The following CREM variants were observed in gnomAD, a reference collection of about 807,000 sequenced individuals.
CREM encodes the protein cAMP-responsive element modulator.
Under a neutral mutation model 37.3 loss-of-function variants are expected in CREM, and 13 were observed. The ratio of observed to expected loss-of-function variants is 0.35; its 90% CI spans 0.23 to 0.55. CREM has a LOEUF of 0.55. Among genes scored for constraint, CREM ranks in the 20% least tolerant of loss-of-function variants. CREM has a pLI of 0.88. For synonymous variants in CREM, 124 were observed against 120.2 expected (o/e 1.03, Z -0.21); for missense variants, 296 against 362.3 (o/e 0.82, Z 1.49).
At chr10:35,176,438 C>T (rs1409731537) in intron 3 of CREM, among the ~76,000 whole-genome samples, 2 of 142,382 alleles carry the variant, frequency 1.4e-5, no homozygotes, top group African/African-American at 5.2e-5. Context: ...GACAGAGTCT[C>T]GCTTTGTCGC....
At chr10:35,157,335 A>C (rs2092976633) in intron 3 of CREM, among the ~76,000 whole-genome samples, 1 of 152,182 alleles carries the variant, frequency 6.6e-6, no homozygotes, top group Admixed American at 6.5e-5. Context: ...ATCTGGAATA[A>C]GATAAGGATA....
At chr10:35,178,663 C>T (rs1483888515) in intron 3 of CREM, among the ~76,000 whole-genome samples, 3 of 152,344 alleles carry the variant, frequency 2.0e-5, no homozygotes, top group East Asian at 1.9e-4. Flanking sequence ...ATAGAGTACC[C>T]GTAACATTCC....
chr10:35,187,083 T>A lies in CREM; in HGVS notation c.410-1117T>A, dbSNP rs1474429004. Among the ~76,000 whole-genome samples the A allele has an allele frequency of 6.5e-4, 31 of 47,926 alleles. 1 individual carries two copies. In the South Asian group the frequency reaches 0.014, roughly 21 times the overall value. 31.4% of individuals were successfully genotyped at this position (47,926 alleles called of 152,430 possible). A position where few individuals can be genotyped will look rare whatever the true frequency, so the allele number is the denominator to read the frequency against. ...TATATAATTAATATAATAATATATA[T>A]AATATATAATATATATGATATATAT... On this transcript the variant is annotated intron_variant, in intron 5 of 7. Coordinates refer to ENST00000685392, the MANE Select transcript of CREM (RefSeq NM_183011.2).
chr10:35,197,924 A>G (rs956251157), intron 6 of CREM, among the ~76,000 whole-genome samples: 18 of 152,114 alleles, frequency 1.2e-4, no homozygotes, highest in Admixed American at 1.1e-3. Context: ...AAACTTTTCA[A>G]CCATGACCCA....
chr10:35,157,250 A>C (rs979602821), intron 3 of CREM, among the ~76,000 whole-genome samples: 1 of 149,572 alleles, frequency 6.7e-6, no homozygotes, highest in Non-Finnish European at 1.5e-5. Flanking sequence ...ACCTCAGTGC[A>C]ACAAAGGCAG....
intron 3 of CREM, among the ~76,000 whole-genome samples, chr10:35,153,043 C>T (rs1589524292): frequency 1.3e-5 from 2 of 151,930 alleles, no homozygotes; most frequent in African/African-American, 2.4e-5. Context: ...AGTTCAAGAC[C>T]AGCTTGAGAG....
intron 3 of CREM, among the ~76,000 whole-genome samples, chr10:35,164,278 T>C (rs2093432608): frequency 6.6e-6 from 1 of 152,240 alleles, no homozygotes; most frequent in Non-Finnish European, 1.5e-5. Context: ...TTTATCCTCA[T>C]AGTGACCTTC....
chr10:35,147,664 TTA>T (rs1439384330), intron 2 of CREM, among the ~76,000 whole-genome samples: 2 of 152,186 alleles, frequency 1.3e-5, no homozygotes, highest in Non-Finnish European at 2.9e-5. Context: ...TAAAGCAGGT[TTA>T]TTAGGCCTTA....
intron 3 of CREM, among the ~76,000 whole-genome samples, chr10:35,161,452 C>G (rs2093288153): frequency 6.6e-6 from 1 of 151,808 alleles, no homozygotes; most frequent in Non-Finnish European, 1.5e-5. Context: ...CGAGATGGTC[C>G]CAGTGGACTC....
chr10:35,182,480 C>T (rs1446641445), intron 5 of CREM, among the ~76,000 whole-genome samples: 8 of 151,742 alleles, frequency 5.3e-5, no homozygotes. Flanking sequence ...CCAAACTTTG[C>T]TTTTATTTCT....
intron 6 of CREM, among the ~76,000 whole-genome samples, chr10:35,204,910 G>C (rs1055003206): frequency 6.6e-6 from 1 of 152,168 alleles, no homozygotes; most frequent in Non-Finnish European, 1.5e-5. Flanking sequence ...CCCATGGGTA[G>C]CATTTCACTT....
At chr10:35,157,993 C>T (rs2093023493) in intron 3 of CREM, among the ~76,000 whole-genome samples, 1 of 151,746 alleles carries the variant, frequency 6.6e-6, no homozygotes. Flanking sequence ...TTTACAATAG[C>T]TATGAAAAAA....
At chr10:35,128,632 TCTC>T (rs2088593359) in intron 1 of CREM, among the ~76,000 whole-genome samples, 1 of 151,666 alleles carries the variant, frequency 6.6e-6, no homozygotes, top group Non-Finnish European at 1.5e-5. Context: ...TTCACGCCAT[TCTC>T]CTGCCTCAGC....
At chr10:35,127,344 C>G (rs1045901754) in intron 1 of CREM, 151 bp downstream of exon 1, 7 of 152,224 alleles carry the variant, frequency 4.6e-5, no homozygotes, top group African/African-American at 1.7e-4. Flanking sequence ...GACCCCGGGG[C>G]CGGGCCAAGG....
At chr10:35,187,540 G>C (rs183467146) in intron 5 of CREM, among the ~76,000 whole-genome samples, 2 of 151,720 alleles carry the variant, frequency 1.3e-5, no homozygotes, top group African/African-American at 4.8e-5. Flanking sequence ...GTTTACAGGC[G>C]TGAGCCACTG....
chr10:35,132,918 C>G (rs1215139090), intron 1 of CREM, among the ~76,000 whole-genome samples: 1 of 152,182 alleles, frequency 6.6e-6, no homozygotes, highest in African/African-American at 2.4e-5. Context: ...ATTGCTCTTG[C>G]TACTTAAATT....
At chr10:35,190,576 G>A (rs12775548) in intron 6 of CREM, among the ~76,000 whole-genome samples, 6 of 151,820 alleles carry the variant, frequency 4.0e-5, no homozygotes, top group Admixed American at 3.9e-4. Flanking sequence ...TTTTGTGCAC[G>A]ATTATTCTTT....
intron 6 of CREM, among the ~76,000 whole-genome samples, chr10:35,199,596 A>G (rs2095322381): frequency 6.6e-6 from 1 of 152,194 alleles, no homozygotes; most frequent in Non-Finnish European, 1.5e-5. Flanking sequence ...CTAGGAAACC[A>G]TGTTCAAATG....
chr10:35,207,146 A>G, intron 7 of CREM, 95 bp downstream of exon 7: 2 of 1,331,036 alleles, frequency 1.5e-6, no homozygotes, highest in Non-Finnish European at 2.0e-6. Flanking sequence ...TAATCCCAGC[A>G]CTTTGGGAGG....
Sources: allele counts gnomAD v4.1 joint callset (sites outside exome capture counted in the v4.1 genomes callset), GRCh38; gene constraint gnomAD v4.1.1; transcripts MANE v1.5; gene names NCBI Gene and HGNC (gene_info 2026-07-23, HGNC 2026-07-21).